ZNF618: variants seen among roughly 807,000 people sequenced by gnomAD.
The protein encoded by ZNF618 is neural precursor cell expressed, developmentally down-regulated 10.
Under a neutral mutation model 103.0 loss-of-function variants are expected in ZNF618, and 34 were observed. The observed-to-expected ratio is 0.33, with a 90% CI of 0.25 to 0.44. The LOEUF (loss-of-function observed/expected upper bound fraction) is 0.44. Among genes scored for constraint, ZNF618 ranks in the 20% least tolerant of loss-of-function variants. ZNF618 has a pLI of 1.00. For synonymous variants in ZNF618, 551 were observed against 542.2 expected, an observed-to-expected ratio of 1.02 and a Z score of -0.23; for missense variants, 1,059 against 1,295.4, an observed-to-expected ratio of 0.82 and a Z score of 2.80.
At chr9:113,971,276 G>A (rs564199206) in intron 2 of ZNF618, among the ~76,000 whole-genome samples, 1 of 152,128 alleles carries the variant, frequency 6.6e-6, no homozygotes, top group South Asian at 2.1e-4. Context: ...TGGGGAGATC[G>A]AGGCCTTTGG....
chr9:114,020,080 C>T (rs1284022260), intron 10 of ZNF618, among the ~76,000 whole-genome samples: 1 of 152,180 alleles, frequency 6.6e-6, no homozygotes, highest in Non-Finnish European at 1.5e-5. Context: ...GTTGTTACAA[C>T]ATCATGTGTT....
At chr9:113,957,951 G>A (rs1836469314) in intron 1 of ZNF618, among the ~76,000 whole-genome samples, 1 of 152,028 alleles carries the variant, frequency 6.6e-6, no homozygotes, top group Non-Finnish European at 1.5e-5. Flanking sequence ...CTCGCTCCAG[G>A]CGGTTTTCCC....
At chr9:113,988,963 G>C (rs1235319814) in intron 3 of ZNF618, among the ~76,000 whole-genome samples, 1 of 152,174 alleles carries the variant, frequency 6.6e-6, no homozygotes, top group Non-Finnish European at 1.5e-5. Context: ...CCCAGTGCCG[G>C]TGCTGCTCAG....
At chr9:113,963,889 A>G (rs536074941) in intron 1 of ZNF618, among the ~76,000 whole-genome samples, 3 of 152,302 alleles carry the variant, frequency 2.0e-5, no homozygotes, top group African/African-American at 7.2e-5. Context: ...CGCTTCAGGA[A>G]CTGCAGCCCC....
Position 114,047,960 on chromosome 9 carries a change from G to T in ZNF618, c.1314G>T (p.Trp438Cys). The change falls in exon 14 of 15, where the codon TGG becomes TGT. Residue 438 changes from tryptophan to cysteine, a missense_variant. Physicochemically the swap from Trp to Cys is radical, Grantham distance 215 (BLOSUM62 -2). Coordinates refer to ENST00000374126, the MANE Select transcript of ZNF618 (RefSeq NM_001318042.2). ...RSPPAVVEEK[W>C]KPQAQRNSAN... ...CACCTGCTGTTGTAGAAGAGAAGTG[G>T]AAACCTCAGGCCCAGAGGAACAGTG... 6.3e-7 allele frequency: 1 copy of T among 1,597,764 alleles called. No homozygotes were observed. The highest frequency in any genetic ancestry group is 1.7e-5 in the Admixed American group (1 of 58,006).
In ZNF618 at chr9:114,048,925, G is replaced by A. The variant is rs1376137981; in HGVS notation, c.1623G>A (p.Leu541=). 2 of 1,608,910 alleles carry A rather than the reference G, an allele frequency of 1.2e-6. No homozygotes were observed. Among genetic ancestry groups the A allele is most frequent in the Non-Finnish European group, 1.7e-6 (2 of 1,177,798 alleles). The change falls in exon 15 of 15, where the codon TTG becomes TTA. Residue 541 remains leucine, a synonymous_variant. Transcript: ENST00000374126. The part of the protein sequence containing the change: ...NQVKVKVTCA[L]GSNACLGIGV... ...TGAAGGTGAAAGTGACCTGTGCCTTGGGCAGCAATGCCTGCCTAGGCATCG... is the reference window on the plus strand; with the variant it reads ...TGAAGGTGAAAGTGACCTGTGCCTTAGGCAGCAATGCCTGCCTAGGCATCG...
At position 113,999,163 on chromosome 9, in the gene ZNF618, G is replaced by C. The variant is rs1840917883; in HGVS notation, c.433+809G>C. Among the ~76,000 whole-genome samples the C allele has an allele frequency of 2.0e-5, 3 of 152,330 alleles. No individual in the cohort carries two copies. In the South Asian group the frequency reaches 6.2e-4, roughly 32 times the overall value. ...ACCTCCCTGGCCCCATCACAAAGGG[G>C]AACCTGAAGCCCAGAGTCGGGCTGA... On this transcript the variant is annotated intron_variant, in intron 4 of 14. Coordinates refer to ENST00000374126, the MANE Select transcript of ZNF618 (RefSeq NM_001318042.2).
chr9:113,938,707 T>C (rs1426863517), intron 1 of ZNF618, among the ~76,000 whole-genome samples: 1 of 152,026 alleles, frequency 6.6e-6, no homozygotes, highest in Non-Finnish European at 1.5e-5. Context: ...TAACTGGAAT[T>C]ACAGGCATGT....
chr9:113,978,175 AG>A (rs1838655180), intron 2 of ZNF618, among the ~76,000 whole-genome samples: 1 of 152,344 alleles, frequency 6.6e-6, no homozygotes, highest in Admixed American at 6.5e-5. Context: ...AGGGTTATTA[AG>A]GAACAGGTGA....
At chr9:113,993,341 T>G (rs1840255818) in intron 3 of ZNF618, among the ~76,000 whole-genome samples, 1 of 152,232 alleles carries the variant, frequency 6.6e-6, no homozygotes, top group Admixed American at 6.5e-5. Flanking sequence ...ATGATGCACC[T>G]CAGAATCCTT....
At position 114,032,706 on chromosome 9, in the gene ZNF618, C is replaced by T. The variant is rs1844198904; in HGVS notation, c.1146C>T (p.Asn382=). 1.2e-6 allele frequency: 2 copies of T among 1,614,058 alleles called. No individual in the cohort carries two copies. Among genetic ancestry groups the T allele is most frequent in the East Asian group, 2.2e-5 (1 of 44,886 alleles). The change falls in exon 12 of 15, where the codon AAC becomes AAT. Residue 382 remains asparagine (N), a synonymous_variant. Transcript: ENST00000374126. ...GKAQNHFEET[N]SSSQNSSEPY... The stretch of plus-strand genomic sequence containing the variant: ...CACAAAACCACTTTGAAGAGACGAA[C>T]AGCAGTTCGCAGAACTCCAGCGGTG...
At chr9:114,024,866 C>A (rs905885424) in intron 10 of ZNF618, among the ~76,000 whole-genome samples, 1 of 152,046 alleles carries the variant, frequency 6.6e-6, no homozygotes, top group Admixed American at 6.6e-5. Flanking sequence ...TTGCAGAATT[C>A]TCTCTTCTTT....
intron 4 of ZNF618, 107 bp from the exon 5 acceptor site, chr9:114,001,889 G>A (rs1039341323): frequency 4.2e-6 from 4 of 957,836 alleles, no homozygotes; most frequent in Admixed American, 1.7e-5. Context: ...GACCATCTCT[G>A]CCCCTGGGAC....
chr9:114,023,811 G>C (rs1317807679), intron 10 of ZNF618, among the ~76,000 whole-genome samples: 2 of 152,034 alleles, frequency 1.3e-5, no homozygotes, highest in African/African-American at 4.8e-5. Flanking sequence ...CTGATGAAAA[G>C]TCAGAGATCA....
intron 1 of ZNF618, among the ~76,000 whole-genome samples, chr9:113,890,589 C>A (rs1459752619): frequency 6.6e-6 from 1 of 152,216 alleles, no homozygotes; most frequent in Non-Finnish European, 1.5e-5. Flanking sequence ...TTTCGTACAG[C>A]TTCTCACTTG....
chr9:113,965,605 G>A (rs1447403155), intron 1 of ZNF618, among the ~76,000 whole-genome samples: 1 of 152,114 alleles, frequency 6.6e-6, no homozygotes, highest in African/African-American at 2.4e-5. Flanking sequence ...CTGGTTTTAA[G>A]GTTGGGTCAA....
chr9:113,961,707 T>C (rs1459051236), intron 1 of ZNF618, among the ~76,000 whole-genome samples: 2 of 152,244 alleles, frequency 1.3e-5, no homozygotes, highest in African/African-American at 4.8e-5. Context: ...AGAGAATTTA[T>C]CATATATTTG....
chr9:114,018,423 C>T (rs1462121874), intron 10 of ZNF618, among the ~76,000 whole-genome samples: 2 of 152,266 alleles, frequency 1.3e-5, no homozygotes, highest in South Asian at 2.1e-4. Flanking sequence ...AGGCTGGATG[C>T]TACCCAGAAT....
chr9:113,940,640 T>C (rs997470000), intron 1 of ZNF618, among the ~76,000 whole-genome samples: 1 of 152,198 alleles, frequency 6.6e-6, no homozygotes, highest in Non-Finnish European at 1.5e-5. Flanking sequence ...GTCTGCTTTT[T>C]ATTGACATAT....
Sources: gnomAD v4.1 joint callset for allele counts (sites outside exome capture counted in the v4.1 genomes callset) on GRCh38, gnomAD v4.1.1 for gene constraint, MANE v1.5 for transcripts, NCBI Gene and HGNC (gene_info 2026-07-23, HGNC 2026-07-21) for gene names.